The following DNASE2B variants were observed in gnomAD, a reference collection of about 807,000 sequenced individuals.
DNASE2B encodes deoxyribonuclease-2-beta.
Under a neutral mutation model 46.0 loss-of-function variants are expected in DNASE2B, and 43 were observed. The observed-to-expected ratio is 0.94, with a 90% confidence interval of 0.73 to 1.21. DNASE2B has a LOEUF of 1.21. Ranked by LOEUF, DNASE2B falls within the 50% of genes most tolerant of loss-of-function variation. DNASE2B has a pLI of 0.00. For missense variants in DNASE2B, 395 were observed against 414.4 expected (o/e 0.95, Z 0.41); for synonymous variants, 156 against 152.5 (o/e 1.02, Z -0.17).
chr1:84,410,863 A>G lies in DNASE2B; in HGVS notation c.411A>G (p.Gln137=). The G allele has an allele frequency of 6.2e-7, 1 of 1,613,558 alleles. No individual in the cohort carries two copies. The highest frequency in any genetic ancestry group is 8.5e-7 in the Non-Finnish European group (1 of 1,179,696). ...TKGLLLWNRV[Q]GFWLIHSIPQ... is the part of the protein sequence containing the mutation. ...GTTTACTGCTGTGGAACAGAGTTCA[A>G]GGGTTCTGGCTGATTCATTCCATCC... Residue 137 remains glutamine (Q), a synonymous_variant, in exon 4 of 6, where the codon CAA becomes CAG. Transcript: ENST00000370665.
intron 2 of DNASE2B, among the ~76,000 whole-genome samples, chr1:84,407,991 G>C (rs774187085): frequency 3.9e-5 from 6 of 152,126 alleles, no homozygotes; most frequent in Non-Finnish European, 8.8e-5. Context: ...AGTGTGCAGA[G>C]AAAATCAGAT....
Position 84,414,713 on chromosome 1 carries a change from T to C in DNASE2B, c.931T>C (p.Ser311Pro). The C allele has an allele frequency of 6.2e-7, 1 of 1,614,182 alleles. No individual in the cohort carries two copies. Among genetic ancestry groups the C allele is most frequent in the South Asian group, 1.1e-5 (1 of 91,080 alleles). The change falls in exon 6 of 6, where the codon TCC becomes CCC. Residue 311 changes from serine to proline, a missense_variant. Transcript: ENST00000370665. ...SYQDHAKWCISQKGTKNRWTC... is the reference protein window; with the variant it reads ...SYQDHAKWCIPQKGTKNRWTC... ...TCAAGATCATGCCAAGTGGTGTATT[T>C]CCCAAAAGGGCACCAAAAATCGCTG...
intron 1 of DNASE2B, 54 bp from the exon 2 acceptor site, chr1:84,401,847 C>A: frequency 7.5e-7 from 1 of 1,326,508 alleles, no homozygotes; most frequent in Non-Finnish European, 1.0e-6. Flanking sequence ...ACAGTTACTG[C>A]CACAGGAAAA....
chr1:84,413,065 C>T (rs1680631758), intron 5 of DNASE2B, among the ~76,000 whole-genome samples: 1 of 151,204 alleles, frequency 6.6e-6, no homozygotes, highest in Non-Finnish European at 1.5e-5. Context: ...ATCTCAGCCT[C>T]AGCATACCTT....
Position 84,411,425 on chromosome 1 carries a change from GGT to G in DNASE2B, c.547+483_547+484del, listed in dbSNP as rs71097845. On this transcript the variant is annotated intron_variant, in intron 4 of 5. Transcript: ENST00000370665. ...TTCTCATGAAGTACCAGAAACCTAG[GGT>G]GTGTGTGTGTGTGTGTGTGTGTGTG... Among the ~76,000 whole-genome samples, 77 of 139,334 alleles carry G rather than the reference GGT, an allele frequency of 5.5e-4. No homozygotes were observed. The East Asian group carries it at 9.0e-3, about 16-fold the overall frequency. The allele number at this position is 139,334 out of a possible 152,430, so 91.4% of individuals were successfully genotyped here.
At chr1:84,402,133 T>A in intron 2 of DNASE2B, 55 bp downstream of exon 2, 1 of 1,504,444 alleles carries the variant, frequency 6.6e-7, no homozygotes, top group Admixed American at 2.5e-5. Context: ...TAAAACTGAA[T>A]CCAAAGCCTT....
intron 2 of DNASE2B, among the ~76,000 whole-genome samples, chr1:84,405,507 T>C (rs1007650340): frequency 6.6e-6 from 1 of 152,154 alleles, no homozygotes; most frequent in African/African-American, 2.4e-5. Flanking sequence ...CAATTCAACA[T>C]CTTCTTATAA....
In DNASE2B at chr1:84,399,533, A is replaced by G. The variant is rs1243450311; in HGVS notation, c.125+844A>G. 5.3e-5 allele frequency among the ~76,000 whole-genome samples: 8 copies of G among 152,378 alleles called. No individual in the cohort carries two copies. In the East Asian group the frequency reaches 1.5e-3, roughly 29 times the overall value. On this transcript the variant is annotated intron_variant, in intron 1 of 5. Coordinates refer to ENST00000370665, the MANE Select transcript of DNASE2B (RefSeq NM_021233.3). ...TGGAACACTGGGGAACAGAGAGCCC[A>G]GAAAACTTCTCTAAGGATGTAATTT...
At chr1:84,399,460 A>G (rs1570297335) in intron 1 of DNASE2B, among the ~76,000 whole-genome samples, 1 of 152,330 alleles carries the variant, frequency 6.6e-6, no homozygotes, top group Middle Eastern at 3.4e-3. Flanking sequence ...TGAACGAAAC[A>G]TGGTTCCTAC....
At position 84,403,032 on chromosome 1, in the gene DNASE2B, C is replaced by T. The variant is rs143768562; in HGVS notation, c.303+954C>T. Reference sequence around the variant, plus strand: ...GGTAATATTCATGTTATTTACCTGCCATTAAGACTAGCCTTCAGAGCCAAG... The same window carrying T: ...GGTAATATTCATGTTATTTACCTGCTATTAAGACTAGCCTTCAGAGCCAAG... On this transcript the variant is annotated intron_variant, in intron 2 of 5. Coordinates refer to ENST00000370665, the MANE Select transcript of DNASE2B (RefSeq NM_021233.3). Among the ~76,000 whole-genome samples, 549 of 152,266 alleles carry T rather than the reference C, an allele frequency of 3.6e-3. 2 individuals are homozygous for T. The highest frequency in any genetic ancestry group is 0.012 in the African/African-American group (507 of 41,534).
In DNASE2B at chr1:84,410,912, G is replaced by T. The variant is rs765373252; in HGVS notation, c.460G>T (p.Glu154Ter). Reference protein sequence around the residue: ...SIPQFPPIPEEGYDYPPTGRR... With the variant: ...SIPQFPPIPE ...CCCTCAGTTTCCTCCAATTCCGGAAGAAGGCTATGATTATCCACCCACAGG... is the reference window on the plus strand; with the variant it reads ...CCCTCAGTTTCCTCCAATTCCGGAATAAGGCTATGATTATCCACCCACAGG... The change falls in exon 4 of 6, where the codon GAA (glutamate) becomes TAA (stop). Residue 154 changes from glutamate (E) to a stop codon, truncating the protein, a stop_gained. Transcript: ENST00000370665. LOFTEE classifies it high-confidence loss of function. 1 of 1,613,380 alleles carries T rather than the reference G, an allele frequency of 6.2e-7. No individual in the cohort carries two copies.
chr1:84,399,493 T>A (rs1680362933), intron 1 of DNASE2B, among the ~76,000 whole-genome samples: 1 of 152,112 alleles, frequency 6.6e-6, no homozygotes, highest in African/African-American at 2.4e-5. Context: ...CACAGTTATG[T>A]GGTAAGGGCA....
intron 3 of DNASE2B, among the ~76,000 whole-genome samples, chr1:84,408,739 C>T (rs1399361584): frequency 1.3e-5 from 2 of 151,780 alleles, no homozygotes; most frequent in Non-Finnish European, 2.9e-5. Context: ...TATTTCTTAA[C>T]ATATTTTAAA....
chr1:84,406,081 T>G (rs1169377350), intron 2 of DNASE2B, among the ~76,000 whole-genome samples: 1 of 152,112 alleles, frequency 6.6e-6, no homozygotes, highest in African/African-American at 2.4e-5. Flanking sequence ...GTTTTTTTTT[T>G]CAAATTGTCA....
chr1:84,403,040 C>A (rs1680446831), intron 2 of DNASE2B, among the ~76,000 whole-genome samples: 1 of 152,206 alleles, frequency 6.6e-6, no homozygotes, highest in African/African-American at 2.4e-5. Context: ...GCCATTAAGA[C>A]TAGCCTTCAG....
rs767171237 is a variant in DNASE2B, at chr1:84,401,948, A to G, written c.173A>G (p.Glu58Gly). 4 of 1,571,074 alleles carry G rather than the reference A, an allele frequency of 2.5e-6. No homozygotes were observed. In the South Asian group the frequency reaches 4.9e-5, roughly 19 times the overall value. ...AAAAGACAAAACAAGGAAAGTGGAG[A>G]GACTGGGTTAGAGTACCTGTACCTA... Reference protein sequence around the residue: ...LPKRQNKESGETGLEYLYLDS... With the variant: ...LPKRQNKESGGTGLEYLYLDS... The change falls in exon 2 of 6, where the codon GAG becomes GGG. Residue 58 changes from glutamate to glycine, a missense_variant. By Grantham distance (98) the Glu-to-Gly change is moderately conservative. Coordinates refer to ENST00000370665, the MANE Select transcript of DNASE2B (RefSeq NM_021233.3).
At chr1:84,414,148 C>T (rs1363127818) in intron 5 of DNASE2B, among the ~76,000 whole-genome samples, 1 of 152,146 alleles carries the variant, frequency 6.6e-6, no homozygotes, top group African/African-American at 2.4e-5. Context: ...AAAAACTCTC[C>T]ACTGATTTCA....
At chr1:84,414,277 C>T (rs937847381) in intron 5 of DNASE2B, among the ~76,000 whole-genome samples, 2 of 152,086 alleles carry the variant, frequency 1.3e-5, no homozygotes, top group African/African-American at 2.4e-5. Context: ...TTGCTTCATT[C>T]GTTTTATAGA....
intron 4 of DNASE2B, among the ~76,000 whole-genome samples, chr1:84,411,627 A>G (rs757462942): frequency 2.1e-4 from 32 of 152,212 alleles, no homozygotes; most frequent in Admixed American, 7.2e-4. Context: ...TTAAGATTTC[A>G]AGCTCAGCGA....
Sources: allele counts gnomAD v4.1 joint callset (sites outside exome capture counted in the v4.1 genomes callset), GRCh38; gene constraint gnomAD v4.1.1; transcripts MANE v1.5; gene names NCBI Gene and HGNC (gene_info 2026-07-23, HGNC 2026-07-21).